NRXN3: variants seen among roughly 807,000 people sequenced by gnomAD.
NRXN3 encodes neurexin 3, also known as neurexin III.
Under a neutral mutation model 137.6 loss-of-function variants are expected in NRXN3, and 32 were observed. That is an observed-to-expected ratio of 0.23 (90% CI 0.18 to 0.31). The LOEUF (loss-of-function observed/expected upper bound fraction) is 0.31. Ranked by LOEUF, NRXN3 falls within the 10% of genes least tolerant of loss-of-function variation. The probability of loss-of-function intolerance (pLI) is 1.00; values close to 1 mark genes in which losing one functional copy is unlikely to be tolerated. For missense variants in NRXN3, 1,574 were observed against 2,062.5 expected, an observed-to-expected ratio of 0.76 and a Z score of 4.59; for synonymous variants, 798 against 784.5, an observed-to-expected ratio of 1.02 and a Z score of -0.29.
intron 16 of NRXN3, among the ~76,000 whole-genome samples, chr14:79,511,114 A>G (rs1030726356): frequency 1.3e-5 from 2 of 152,218 alleles, no homozygotes; most frequent in African/African-American, 4.8e-5. Context: ...ACAAACAGGA[A>G]AAACGGACCC....
intron 4 of NRXN3, among the ~76,000 whole-genome samples, chr14:78,423,960 G>GT: frequency 6.6e-6 from 1 of 152,200 alleles, no homozygotes; most frequent in East Asian, 1.9e-4. Flanking sequence ...CCAGGCTAGG[G>GT]TCAGAGCATC....
intron 15 of NRXN3, among the ~76,000 whole-genome samples, chr14:78,992,791 G>A (rs1242131340): frequency 6.6e-6 from 1 of 152,122 alleles, no homozygotes; most frequent in Non-Finnish European, 1.5e-5. Flanking sequence ...ATACAATTTG[G>A]GGGTTTGGTT....
chr14:79,075,480 A>G (rs2045813838), intron 15 of NRXN3, among the ~76,000 whole-genome samples: 1 of 152,202 alleles, frequency 6.6e-6, no homozygotes, highest in Non-Finnish European at 1.5e-5. Flanking sequence ...ATTCAGAAGA[A>G]TGTGGATAGG....
intron 15 of NRXN3, among the ~76,000 whole-genome samples, chr14:79,101,235 C>T (rs1445514957): frequency 1.3e-5 from 2 of 152,152 alleles, no homozygotes; most frequent in East Asian, 1.9e-4. Flanking sequence ...CTTTATAGTA[C>T]AATAGTTAGT....
chr14:79,338,242 T>A (rs185451004), intron 15 of NRXN3, among the ~76,000 whole-genome samples: 2 of 151,338 alleles, frequency 1.3e-5, no homozygotes, highest in East Asian at 1.9e-4. Context: ...TGTGTGTGTG[T>A]GTGTGTGTGA....
intron 6 of NRXN3, among the ~76,000 whole-genome samples, chr14:78,689,654 A>G (rs1375307817): frequency 6.6e-6 from 1 of 152,212 alleles, no homozygotes; most frequent in Admixed American, 6.5e-5. Flanking sequence ...GATAAATAGT[A>G]TAGGAATATA....
rs1163811846 is a variant in NRXN3, at chr14:79,396,272, ATATATT to A, written c.3263-70943_3263-70938del. ...GTCCATATATGTATTGTATTTCCTG[ATATATT>A]TATATATGAAATTGCTAGTATGTGT... On this transcript the variant is annotated intron_variant, in intron 15 of 20. Coordinates refer to ENST00000335750, the MANE Select transcript of NRXN3 (RefSeq NM_001330195.2). Among the ~76,000 whole-genome samples the A allele has an allele frequency of 3.6e-4, 54 of 152,060 alleles. 1 individual carries two copies. Among genetic ancestry groups the A allele is most frequent in the Admixed American group, 5.3e-4 (8 of 15,234 alleles).
At chr14:79,436,887 C>A (rs2095853881) in intron 15 of NRXN3, among the ~76,000 whole-genome samples, 1 of 152,184 alleles carries the variant, frequency 6.6e-6, no homozygotes, top group Non-Finnish European at 1.5e-5. Context: ...TTATCTACCT[C>A]CAGGCTTTAT....
At chr14:79,766,957 G>T (rs1409605655) in intron 19 of NRXN3, among the ~76,000 whole-genome samples, 3 of 152,182 alleles carry the variant, frequency 2.0e-5, no homozygotes, top group Admixed American at 1.3e-4. Context: ...TAGCATACCA[G>T]GAAGTGGTAG....
intron 15 of NRXN3, among the ~76,000 whole-genome samples, chr14:78,996,569 G>A (rs904865798): frequency 6.6e-6 from 1 of 152,016 alleles, no homozygotes; most frequent in Admixed American, 6.6e-5. Context: ...TTATTCTTTT[G>A]GGGGGGATGC....
intron 15 of NRXN3, among the ~76,000 whole-genome samples, chr14:79,378,502 A>G (rs139120689): frequency 1.3e-5 from 2 of 152,354 alleles, no homozygotes; most frequent in African/African-American, 4.8e-5. Context: ...GGAAATGTGA[A>G]TTGTGAAAAT....
intron 20 of NRXN3, among the ~76,000 whole-genome samples, chr14:79,819,778 C>T (rs757000404): frequency 2.6e-5 from 4 of 151,988 alleles, no homozygotes; most frequent in South Asian, 2.1e-4. Context: ...CCACCGCACC[C>T]GGCCCTAAAA....
chr14:78,537,603 G>T, intron 4 of NRXN3, among the ~76,000 whole-genome samples: 1 of 152,154 alleles, frequency 6.6e-6, no homozygotes, highest in East Asian at 1.9e-4. Context: ...TGCAGAAACT[G>T]TTTGGTTTAA....
At chr14:79,635,088 C>T (rs899222962) in intron 16 of NRXN3, among the ~76,000 whole-genome samples, 1 of 152,066 alleles carries the variant, frequency 6.6e-6, no homozygotes, top group Admixed American at 6.5e-5. Context: ...ATTCTCACCA[C>T]AAAGAAATGA....
At chr14:78,294,011 T>C (rs1263546610) in intron 3 of NRXN3, among the ~76,000 whole-genome samples, 1 of 152,188 alleles carries the variant, frequency 6.6e-6, no homozygotes, top group Non-Finnish European at 1.5e-5. Flanking sequence ...CTAAACCATT[T>C]TCCAAGACCT....
intron 8 of NRXN3, among the ~76,000 whole-genome samples, chr14:78,771,919 T>A (rs2098729447): frequency 6.6e-6 from 1 of 152,186 alleles, no homozygotes; most frequent in Non-Finnish European, 1.5e-5. Flanking sequence ...GATTTTGGAT[T>A]TTTTTGGGTC....
At position 78,306,578 on chromosome 14, in the gene NRXN3, A is replaced by G. The variant is rs116112523; in HGVS notation, c.757+8718A>G. Among the ~76,000 whole-genome samples the G allele has an allele frequency of 6.0e-3, 915 of 152,282 alleles. 10 individuals carry two copies. Among genetic ancestry groups the G allele is most frequent in the African/African-American group, 0.02 (813 of 41,564 alleles). On this transcript the variant is annotated intron_variant, in intron 4 of 20. Transcript: ENST00000335750. ...CCTTGTGCTTAGGCTTGTACATGCCATGGTCTGTTTCTTAGGTGTGTAGGG... is the reference window on the plus strand; with the variant it reads ...CCTTGTGCTTAGGCTTGTACATGCCGTGGTCTGTTTCTTAGGTGTGTAGGG...
At chr14:79,716,488 G>T (rs1254725958) in intron 19 of NRXN3, among the ~76,000 whole-genome samples, 1 of 152,154 alleles carries the variant, frequency 6.6e-6, no homozygotes, top group Non-Finnish European at 1.5e-5. Flanking sequence ...TCACTTGCTT[G>T]TGTCTTTCAT....
intron 10 of NRXN3, among the ~76,000 whole-genome samples, chr14:78,861,066 A>G (rs914676350): frequency 3.4e-5 from 5 of 148,682 alleles, no homozygotes; most frequent in African/African-American, 1.0e-4. Context: ...TGTATCATGT[A>G]TATTACCAGG....
Sources: gnomAD v4.1 joint callset for allele counts (sites outside exome capture counted in the v4.1 genomes callset) on GRCh38, gnomAD v4.1.1 for gene constraint, MANE v1.5 for transcripts, NCBI Gene and HGNC (gene_info 2026-07-23, HGNC 2026-07-21) for gene names.